The following TANC2 variants were observed in gnomAD, a reference collection of about 807,000 sequenced individuals.
TANC2 encodes the protein protein TANC2.
Under a neutral mutation model 210.5 loss-of-function variants are expected in TANC2, and 26 were observed. The ratio of observed to expected loss-of-function variants is 0.12; its 90% CI spans 0.09 to 0.17. The LOEUF (loss-of-function observed/expected upper bound fraction) is 0.17, where lower values mean the gene tolerates loss of function less well. Ranked by LOEUF, TANC2 falls within the 10% of genes least tolerant of loss-of-function variation. TANC2 has a pLI of 1.00. For synonymous variants in TANC2, 931 were observed against 967.1 expected, an observed-to-expected ratio of 0.96 and a Z score of 0.69; for missense variants, 2,129 against 2,608.9, an observed-to-expected ratio of 0.82 and a Z score of 4.01.
At chr17:63,335,586 C>G (rs981604333) in intron 11 of TANC2, among the ~76,000 whole-genome samples, 1 of 150,874 alleles carries the variant, frequency 6.6e-6, no homozygotes, top group Non-Finnish European at 1.5e-5. Flanking sequence ...GCACTCTAGC[C>G]CAGGCAACAG....
At chr17:63,124,816 C>T (rs564702326) in intron 4 of TANC2, among the ~76,000 whole-genome samples, 4 of 152,254 alleles carry the variant, frequency 2.6e-5, no homozygotes, top group African/African-American at 9.6e-5. Context: ...GAGCATGAAC[C>T]CTATTATGAA....
At chr17:63,392,581 G>A (rs1334785346) in intron 17 of TANC2, among the ~76,000 whole-genome samples, 6 of 152,172 alleles carry the variant, frequency 3.9e-5, no homozygotes, top group African/African-American at 9.6e-5. Context: ...TAACAAACCC[G>A]TTTTTCAGAT....
chr17:62,985,203 C>G (rs1016405772), intron 1 of TANC2, among the ~76,000 whole-genome samples: 4 of 151,702 alleles, frequency 2.6e-5, no homozygotes, highest in African/African-American at 9.7e-5. Flanking sequence ...TATATCATCT[C>G]ATTCTCTCCT....
At chr17:63,001,692 A>C (rs2033393650) in intron 1 of TANC2, among the ~76,000 whole-genome samples, 1 of 151,786 alleles carries the variant, frequency 6.6e-6, no homozygotes, top group African/African-American at 2.4e-5. Context: ...CTACAGGTGC[A>C]TGCCAGCATG....
intron 2 of TANC2, among the ~76,000 whole-genome samples, chr17:63,073,678 A>G (rs1191100368): frequency 1.3e-5 from 2 of 152,166 alleles, no homozygotes; most frequent in South Asian, 4.1e-4. Context: ...TTCCTTCATT[A>G]TATGCAAAGT....
intron 11 of TANC2, chr17:63,320,279 A>G (rs1171921598): frequency 6.6e-6 from 1 of 152,176 alleles, no homozygotes; most frequent in Non-Finnish European, 1.5e-5. Context: ...TTCTGTCAGT[A>G]CAGTTTTCCA....
chr17:63,020,477 AT>A (rs1291967354), intron 2 of TANC2, among the ~76,000 whole-genome samples: 1 of 151,810 alleles, frequency 6.6e-6, no homozygotes, highest in African/African-American at 2.4e-5. Context: ...CTAATTTAAA[AT>A]TTTTTTTATA....
intron 1 of TANC2, among the ~76,000 whole-genome samples, chr17:62,971,900 GC>G (rs769117649): frequency 3.3e-5 from 5 of 152,116 alleles, no homozygotes; most frequent in Non-Finnish European, 4.4e-5. Flanking sequence ...AACCATCTCT[GC>G]CCCCCTACCC....
At chr17:63,185,304 G>A (rs994507686) in intron 5 of TANC2, among the ~76,000 whole-genome samples, 4 of 151,944 alleles carry the variant, frequency 2.6e-5, no homozygotes, top group African/African-American at 9.7e-5. Flanking sequence ...TGTTGGCCAG[G>A]CTAGTCTTGA....
rs531338835 is a variant in TANC2 at position 63,417,316 on chromosome 17, A to G, written c.4168-991A>G. Reference sequence around the variant, plus strand: ...CTCATGACCATAACCAGAGGCTACCATGCTATACTGTGGCTTTGACACTAA... The same window carrying G: ...CTCATGACCATAACCAGAGGCTACCGTGCTATACTGTGGCTTTGACACTAA... On this transcript the variant is annotated intron_variant, in intron 26 of 27. Coordinates refer to ENST00000689528, the Ensembl canonical transcript of TANC2. Among the ~76,000 whole-genome samples, 4 of 152,260 alleles carry G rather than the reference A, an allele frequency of 2.6e-5. No individual in the cohort carries two copies. In the East Asian group the frequency reaches 7.7e-4, roughly 29 times the overall value.
At chr17:63,404,133 C>T (rs17687691) in intron 19 of TANC2, among the ~76,000 whole-genome samples, 25,062 of 152,154 alleles carry the variant, frequency 0.16, 2,661 homozygotes, top group Non-Finnish European at 0.24. Context: ...AAATCTTTAT[C>T]CTCTTCCTTT....
intron 3 of TANC2, among the ~76,000 whole-genome samples, chr17:63,077,657 C>T (rs899127400): frequency 6.6e-6 from 1 of 152,096 alleles, no homozygotes. Flanking sequence ...AAGTTCTGAA[C>T]TACAGGGAAG....
chr17:63,279,706 G>A (rs1050815689), intron 9 of TANC2, among the ~76,000 whole-genome samples: 3 of 152,104 alleles, frequency 2.0e-5, no homozygotes, highest in African/African-American at 7.2e-5. Context: ...CCTCACTGGT[G>A]AGCACTGTAC....
At chr17:62,984,918 G>A (rs535277902) in intron 1 of TANC2, among the ~76,000 whole-genome samples, 2 of 152,280 alleles carry the variant, frequency 1.3e-5, no homozygotes, top group South Asian at 4.1e-4. Flanking sequence ...AAAAGAATGT[G>A]TATTCTGCAG....
intron 7 of TANC2, among the ~76,000 whole-genome samples, chr17:63,228,892 C>T (rs576958964): frequency 6.6e-6 from 1 of 152,282 alleles, no homozygotes; most frequent in South Asian, 2.1e-4. Context: ...AGTTTGACTT[C>T]CTCTCTTCCT....
At chr17:63,179,430 T>C (rs1468274564) in intron 5 of TANC2, among the ~76,000 whole-genome samples, 1 of 152,160 alleles carries the variant, frequency 6.6e-6, no homozygotes, top group East Asian at 1.9e-4. Context: ...CTTTTGCTAT[T>C]TGTAAGATAA....
exon 8 of TANC2, chr17:63,237,992 C>G: frequency 6.3e-7 from 1 of 1,577,278 alleles, no homozygotes; most frequent in Non-Finnish European, 8.6e-7. Flanking sequence ...TGAATAAGAT[C>G]CCAGAGAGAA....
exon 6 of TANC2, chr17:63,194,081 A>G: frequency 6.2e-7 from 1 of 1,613,462 alleles, no homozygotes; most frequent in Non-Finnish European, 8.5e-7. Context: ...CTTGGAGAGA[A>G]AGTCACAGAA....
chr17:63,013,873 A>G (rs867391744), intron 2 of TANC2, among the ~76,000 whole-genome samples: 2 of 150,322 alleles, frequency 1.3e-5, no homozygotes, highest in Non-Finnish European at 1.5e-5. Flanking sequence ...TTGGAAAACT[A>G]TTACCCATTA....
Sources: allele counts gnomAD v4.1 joint callset (sites outside exome capture counted in the v4.1 genomes callset), GRCh38; gene constraint gnomAD v4.1.1; transcripts MANE v1.5; gene names NCBI Gene and HGNC (gene_info 2026-07-23, HGNC 2026-07-21).